Variants in SDSL observed in about 807,000 individuals in gnomAD.
The protein encoded by SDSL is serine dehydratase like.
SDSL carries 26 observed loss-of-function variants against 27.6 expected under a neutral mutation model. The observed-to-expected ratio is 0.94, with a 90% confidence interval of 0.69 to 1.31. SDSL has a LOEUF of 1.31. Among genes scored for constraint, SDSL ranks in the 50% most tolerant of loss-of-function variants. The pLI, the probability that SDSL is intolerant of heterozygous loss-of-function variation, is 0.00. For synonymous variants in SDSL, 196 were observed against 180.6 expected, an observed-to-expected ratio of 1.09 and a Z score of -0.69; for missense variants, 431 against 423.5, an observed-to-expected ratio of 1.02 and a Z score of -0.16.
At chr12:113,424,381 A>G (rs1366669728) in intron 1 of SDSL, among the ~76,000 whole-genome samples, 1 of 152,006 alleles carries the variant, frequency 6.6e-6, no homozygotes, top group Non-Finnish European at 1.5e-5. Context: ...TCCATACCCA[A>G]AGTAGGTCCC....
At chr12:113,426,542 G>A (rs896557309) in intron 1 of SDSL, among the ~76,000 whole-genome samples, 1 of 152,052 alleles carries the variant, frequency 6.6e-6, no homozygotes, top group African/African-American at 2.4e-5. Flanking sequence ...CCTCAGTGAG[G>A]TATAATTTAC....
At chr12:113,427,575 CTT>C (rs1593309551) in intron 1 of SDSL, among the ~76,000 whole-genome samples, 1 of 152,228 alleles carries the variant, frequency 6.6e-6, no homozygotes, top group East Asian at 1.9e-4. Flanking sequence ...AATTCTGTGA[CTT>C]TTCCTAGTGG....
chr12:113,432,208 GCTTCTTTCTTTCTTTCTTTCTTTCTTT>G (rs1957930676), intron 4 of SDSL, among the ~76,000 whole-genome samples: 1 of 149,606 alleles, frequency 6.7e-6, no homozygotes, highest in African/African-American at 2.5e-5. Context: ...TTGTTTGTTT[GCTTCTTTCTTTCTTTCTTTCTTTCTTT>G]CTTTCTTTCT....
At chr12:113,424,501 T>C (rs1449457280) in intron 1 of SDSL, among the ~76,000 whole-genome samples, 1 of 152,230 alleles carries the variant, frequency 6.6e-6, no homozygotes, top group African/African-American at 2.4e-5. Flanking sequence ...GCCCATCTCA[T>C]CAGGCTATAA....
intron 5 of SDSL, among the ~76,000 whole-genome samples, 158 bp from the exon 6 acceptor site, chr12:113,435,171 T>TC: frequency 6.6e-6 from 1 of 152,206 alleles, no homozygotes; most frequent in African/African-American, 2.4e-5. Flanking sequence ...TTGCAGGACT[T>TC]CCTCTCCCCT....
rs376639738 is a variant in SDSL, at chr12:113,429,154, G to C, written c.215-6G>C. The C allele has an allele frequency of 1.2e-6, 2 of 1,610,956 alleles. No homozygotes were observed. The highest frequency in any genetic ancestry group is 1.7e-6 in the Non-Finnish European group (2 of 1,178,178). ...GCCCACTGCCCCTTTCCTCCTTTCT[G>C]CACAGGGGGTAATGCGGGCATCGCT... On this transcript the variant is annotated splice_polypyrimidine_tract_variant and splice_region_variant and intron_variant, in intron 3 of 7. Transcript: ENST00000403593.
intron 4 of SDSL, among the ~76,000 whole-genome samples, chr12:113,433,133 A>G (rs1957954714): frequency 6.6e-6 from 1 of 152,206 alleles, no homozygotes. Context: ...ATTCACACCA[A>G]CAGTGTATTT....
chr12:113,423,309 T>G (rs1957812465), intron 1 of SDSL, among the ~76,000 whole-genome samples: 2 of 152,220 alleles, frequency 1.3e-5, no homozygotes, highest in Admixed American at 6.5e-5. Context: ...GCATCGCGGT[T>G]AATAGCACAG....
At chr12:113,425,316 C>A (rs1208202897) in intron 1 of SDSL, among the ~76,000 whole-genome samples, 1 of 152,102 alleles carries the variant, frequency 6.6e-6, no homozygotes, top group Non-Finnish European at 1.5e-5. Context: ...TGAGAGGTGC[C>A]CTGGGTGGGA....
At chr12:113,434,113 G>A in intron 4 of SDSL, 21 bp from the exon 5 acceptor site, 1 of 1,607,212 alleles carries the variant, frequency 6.2e-7, no homozygotes, top group Non-Finnish European at 8.5e-7. Flanking sequence ...GCTGTTCTGA[G>A]GGCCCTTGGT....
chr12:113,438,115 C>T lies in SDSL; in HGVS notation c.*36C>T. 2 of 1,553,884 alleles carry T rather than the reference C, an allele frequency of 1.3e-6. No individual in the cohort carries two copies. The highest frequency in any genetic ancestry group is 2.3e-5 in the South Asian group (2 of 86,908). On this transcript the variant is annotated 3_prime_UTR_variant, in exon 8 of 8. Coordinates refer to ENST00000403593, the MANE Select transcript of SDSL (RefSeq NM_001304993.2). Reference sequence around the variant, plus strand: ...CCTGGCCCCAAAGACCCCTGAGAGGCCCATGGACAGTCCTGTGTCTGGATG... The same window carrying T: ...CCTGGCCCCAAAGACCCCTGAGAGGTCCATGGACAGTCCTGTGTCTGGATG...
intron 4 of SDSL, among the ~76,000 whole-genome samples, chr12:113,432,272 CTTTCTTTCTTTCTT>C (rs1957939939): frequency 7.7e-6 from 1 of 129,732 alleles, no homozygotes; most frequent in African/African-American, 3.0e-5. Context: ...TTCTTTCTTT[CTTTCTTTCTTTCTT>C]TCTTTCTCTC....
Position 113,435,391 on chromosome 12 carries a change from T to C in SDSL, c.506T>C (p.Leu169Pro). Reference sequence around the variant, plus strand: ...GTGCTGAGGACCCCACCAGGTGCCCTGGTGCTGGCAGTTGGGGGTGGGGGT... The same window carrying C: ...GTGCTGAGGACCCCACCAGGTGCCCCGGTGCTGGCAGTTGGGGGTGGGGGT... Reference protein sequence around the residue: ...KAVLRTPPGALVLAVGGGGLL... With the variant: ...KAVLRTPPGAPVLAVGGGGLL... The change falls in exon 6 of 8, where the codon CTG becomes CCG. Residue 169 changes from leucine (L) to proline (P), a missense_variant. By Grantham distance (98) the Leu-to-Pro change is moderately conservative (BLOSUM62 -3). Coordinates refer to ENST00000403593, the MANE Select transcript of SDSL (RefSeq NM_001304993.2). The C allele has an allele frequency of 1.9e-6, 3 of 1,608,984 alleles. No individual in the cohort carries two copies. The highest frequency in any genetic ancestry group is 2.5e-6 in the Non-Finnish European group (3 of 1,177,808).
intron 6 of SDSL, 95 bp downstream of exon 6, chr12:113,435,651 C>A: frequency 1.9e-6 from 2 of 1,033,090 alleles, no homozygotes; most frequent in Non-Finnish European, 2.9e-6. Context: ...CGGGGGCACC[C>A]AAAAGGCTGT....
chr12:113,431,967 G>A (rs920736626), intron 4 of SDSL, among the ~76,000 whole-genome samples: 5 of 150,166 alleles, frequency 3.3e-5, no homozygotes, highest in African/African-American at 1.2e-4. Flanking sequence ...ATGTTAGCCA[G>A]GATGGTCTCG....
chr12:113,435,248 T>C (rs1003245440), intron 5 of SDSL, 81 bp from the exon 6 acceptor site: 16 of 948,906 alleles, frequency 1.7e-5, no homozygotes, highest in African/African-American at 3.3e-5. Flanking sequence ...AACCCACCCC[T>C]GGTAAATTCC....
At position 113,428,135 on chromosome 12, in the gene SDSL, C is replaced by T; in HGVS notation, c.153C>T (p.Gly51=). The change falls in exon 2 of 8, where the codon GGC becomes GGT. Residue 51 remains glycine (G), a synonymous_variant. Transcript: ENST00000403593. Reference sequence around the variant, plus strand: ...CCAGCGGCTCCTTCAAGATTCGGGGCATTGGGCATTTCTGCCAGGAGGTGA... The same window carrying T: ...CCAGCGGCTCCTTCAAGATTCGGGGTATTGGGCATTTCTGCCAGGAGGTGA... The part of the protein sequence containing the change: ...VQPSGSFKIR[G]IGHFCQEMAK... 1 of 1,612,112 alleles carries T rather than the reference C, an allele frequency of 6.2e-7. No homozygotes were observed. Among genetic ancestry groups the T allele is most frequent in the Non-Finnish European group, 8.5e-7 (1 of 1,179,220 alleles).
At chr12:113,437,807 C>A in intron 7 of SDSL, 79 bp from the exon 8 acceptor site, 1 of 1,284,980 alleles carries the variant, frequency 7.8e-7, no homozygotes, top group Non-Finnish European at 1.1e-6. Flanking sequence ...CTGCAAGGAT[C>A]TGCCGTGCCC....
At chr12:113,436,959 G>A in intron 7 of SDSL, 84 bp downstream of exon 7, 1 of 1,354,556 alleles carries the variant, frequency 7.4e-7, no homozygotes, top group Non-Finnish European at 9.7e-7. Flanking sequence ...TGTCTTATCT[G>A]TATCCTCAGC....
Sources: gnomAD v4.1 joint callset for allele counts (sites outside exome capture counted in the v4.1 genomes callset) on GRCh38, gnomAD v4.1.1 for gene constraint, MANE v1.5 for transcripts, NCBI Gene and HGNC (gene_info 2026-07-23, HGNC 2026-07-21) for gene names.